The following CA5A variants were observed in gnomAD, a reference collection of about 807,000 sequenced individuals.
The protein encoded by CA5A is carbonic anhydrase 5A, mitochondrial.
Under a neutral mutation model 37.1 loss-of-function variants are expected in CA5A, and 28 were observed. The observed-to-expected ratio is 0.75, with a 90% CI of 0.56 to 1.03. The LOEUF (loss-of-function observed/expected upper bound fraction) is 1.03, where lower values mean the gene tolerates loss of function less well. Ranked by LOEUF, CA5A falls within the 50% of genes least tolerant of loss-of-function variation. The probability of loss-of-function intolerance (pLI) is 0.00; values close to 1 mark genes in which losing one functional copy is unlikely to be tolerated. For synonymous variants in CA5A, 171 were observed against 158.4 expected (o/e 1.08, Z -0.60); for missense variants, 444 against 399.9 (o/e 1.11, Z -0.94).
intron 5 of CA5A, among the ~76,000 whole-genome samples, chr16:87,897,009 C>T (rs1272951583): frequency 1.3e-5 from 2 of 152,252 alleles, no homozygotes; most frequent in African/African-American, 2.4e-5. Flanking sequence ...AGCCTAACTC[C>T]GCCCTTGCTT....
At chr16:87,890,256 C>T (rs545558036) in intron 6 of CA5A, among the ~76,000 whole-genome samples, 2 of 152,204 alleles carry the variant, frequency 1.3e-5, no homozygotes, top group East Asian at 3.8e-4. Flanking sequence ...CACCTGCCCC[C>T]CTCCCACCCT....
intron 2 of CA5A, among the ~76,000 whole-genome samples, chr16:87,915,532 T>A (rs1483605174): frequency 3.5e-5 from 4 of 113,774 alleles, no homozygotes; most frequent in African/African-American, 1.5e-4. Flanking sequence ...CAAAATTTTT[T>A]TTTTTTTTTT....
intron 2 of CA5A, chr16:87,923,620 C>T (rs1463175881): frequency 4.1e-6 from 4 of 985,348 alleles, no homozygotes; most frequent in Non-Finnish European, 4.8e-6. Context: ...CCTGATGCTC[C>T]ACCAGCTGAG....
At chr16:87,896,612 G>C (rs1039404462) in intron 5 of CA5A, among the ~76,000 whole-genome samples, 2 of 152,142 alleles carry the variant, frequency 1.3e-5, no homozygotes, top group Non-Finnish European at 2.9e-5. Flanking sequence ...TGGTGGAAGT[G>C]GGTTGGTGAC....
chr16:87,909,423 G>T (rs1367070595), intron 2 of CA5A, among the ~76,000 whole-genome samples: 1 of 152,236 alleles, frequency 6.6e-6, no homozygotes, highest in African/African-American at 2.4e-5. Context: ...AATGAGGAGG[G>T]AAGCGAAACG....
chr16:87,884,571 A>G (rs374833097), downstream of CA5A: 5 of 151,476 alleles, frequency 3.3e-5, no homozygotes, highest in East Asian at 5.8e-4. Flanking sequence ...CTGTCTCAAA[A>G]AAAAAAAAAA....
intron 5 of CA5A, among the ~76,000 whole-genome samples, chr16:87,895,304 G>A (rs2143918861): frequency 6.6e-6 from 1 of 152,344 alleles, no homozygotes; most frequent in East Asian, 1.9e-4. Context: ...CCAGCACTTT[G>A]GGAGGCCGAG....
chr16:87,934,139 T>G (rs995276663), intron 1 of CA5A, among the ~76,000 whole-genome samples: 1 of 152,264 alleles, frequency 6.6e-6, no homozygotes, highest in African/African-American at 2.4e-5. Flanking sequence ...AGCAAGGGCT[T>G]CCTGGAGCCA....
At chr16:87,900,421 C>T (rs1298624883) in intron 5 of CA5A, among the ~76,000 whole-genome samples, 6 of 152,242 alleles carry the variant, frequency 3.9e-5, no homozygotes, top group South Asian at 2.1e-4. Flanking sequence ...ACAGATCAAA[C>T]GTCTCCTTGA....
chr16:87,923,276 C>A (rs559370373), intron 2 of CA5A, among the ~76,000 whole-genome samples: 2 of 152,278 alleles, frequency 1.3e-5, no homozygotes, highest in African/African-American at 4.8e-5. Context: ...GCAAACTCCA[C>A]CTCCCAAATT....
rs2056317778 is a variant in CA5A, at chr16:87,926,787, G to C, written c.301C>G (p.Leu101Val). Reference protein sequence around the residue: ...SCLYIWNTGYLFQVEFDDATE... With the variant: ...SCLYIWNTGYVFQVEFDDATE... Reference sequence around the variant, plus strand: ...GCATCGTCAAATTCCACCTGGAAGAGGTAGCCAGTGTTCCAGATGTACAGG... The same window carrying C: ...GCATCGTCAAATTCCACCTGGAAGACGTAGCCAGTGTTCCAGATGTACAGG... The change falls in exon 2 of 7, where the codon CTC becomes GTC. Residue 101 changes from leucine (L) to valine (V), a missense_variant. Transcript: ENST00000649794. 5 of 1,614,148 alleles carry C rather than the reference G, an allele frequency of 3.1e-6. No individual in the cohort carries two copies. Among genetic ancestry groups the C allele is most frequent in the Non-Finnish European group, 4.2e-6 (5 of 1,179,980 alleles).
rs778216307 is a variant in CA5A, at chr16:87,904,888, G to C, written c.357C>G (p.Pro119=). The change falls in exon 3 of 7, where the codon CCC becomes CCG. Residue 119 remains proline (P), a synonymous_variant. Coordinates refer to ENST00000649794, the MANE Select transcript of CA5A (RefSeq NM_001739.2). ...ATEASGISGG[P]LENHYRLKQF... ...GCTTCAGTCTGTAGTGGTTTTCCAA[G>C]GGCCCACCACTAATTCCTGGAAATA... The C allele has an allele frequency of 6.2e-7, 1 of 1,610,634 alleles. No individual in the cohort carries two copies. Among genetic ancestry groups the C allele is most frequent in the Non-Finnish European group, 8.5e-7 (1 of 1,176,820 alleles).
intron 1 of CA5A, among the ~76,000 whole-genome samples, chr16:87,933,346 C>A (rs1429813420): frequency 6.6e-6 from 1 of 152,186 alleles, no homozygotes; most frequent in Non-Finnish European, 1.5e-5. Context: ...AGTGCACACC[C>A]TGAAACATGA....
downstream of CA5A, chr16:87,883,656 A>C (rs1184784147): frequency 1.6e-5 from 2 of 124,384 alleles, no homozygotes; most frequent in African/African-American, 3.2e-5. Context: ...TTTTTTTTGG[A>C]GGCGGAGTCT....
chr16:87,891,342 C>T (rs576965908), intron 6 of CA5A, among the ~76,000 whole-genome samples: 28 of 151,762 alleles, frequency 1.8e-4, no homozygotes, highest in African/African-American at 6.0e-4. Flanking sequence ...GTGATGGGTG[C>T]CTGTAATCCC....
intron 2 of CA5A, among the ~76,000 whole-genome samples, chr16:87,908,516 C>G (rs566106390): frequency 6.6e-6 from 1 of 152,278 alleles, no homozygotes; most frequent in African/African-American, 2.4e-5. Flanking sequence ...CCAAAGAGAG[C>G]GACGCCAACT....
chr16:87,922,266 T>TG (rs1292205918), intron 2 of CA5A, among the ~76,000 whole-genome samples: 1 of 152,094 alleles, frequency 6.6e-6, no homozygotes, highest in African/African-American at 2.4e-5. Context: ...CCAGGTGCGG[T>TG]GGGGAAGGGG....
chr16:87,918,176 A>C (rs2056180899), intron 2 of CA5A, among the ~76,000 whole-genome samples: 1 of 152,172 alleles, frequency 6.6e-6, no homozygotes, highest in Non-Finnish European at 1.5e-5. Context: ...TTTTGAAGGA[A>C]GCTATTGTCT....
intron 2 of CA5A, among the ~76,000 whole-genome samples, chr16:87,915,358 T>C (rs1353601820): frequency 1.3e-5 from 2 of 152,036 alleles, no homozygotes; most frequent in South Asian, 2.1e-4. Context: ...CCCACAGCAT[T>C]GTAGAACGAT....
Sources: allele counts gnomAD v4.1 joint callset (sites outside exome capture counted in the v4.1 genomes callset), GRCh38; gene constraint gnomAD v4.1.1; transcripts MANE v1.5; gene names NCBI Gene and HGNC (gene_info 2026-07-23, HGNC 2026-07-21).